The following MIGA1 variants were observed in gnomAD, a reference collection of about 807,000 sequenced individuals.
The protein encoded by MIGA1 is family with sequence similarity 73, member A.
Under a neutral mutation model 82.0 loss-of-function variants are expected in MIGA1, and 58 were observed. The ratio of observed to expected loss-of-function variants is 0.71; its 90% CI spans 0.57 to 0.88. The LOEUF is 0.88. Ranked by LOEUF, MIGA1 falls within the 40% of genes least tolerant of loss-of-function variation. The pLI, the probability that MIGA1 is intolerant of heterozygous loss-of-function variation, is 0.00. For missense variants in MIGA1, 751 were observed against 749.1 expected, an observed-to-expected ratio of 1.00 and a Z score of -0.03; for synonymous variants, 249 against 253.6, an observed-to-expected ratio of 0.98 and a Z score of 0.17.
chr1:77,822,730 T>A (rs1683866278), intron 7 of MIGA1, among the ~76,000 whole-genome samples: 1 of 152,040 alleles, frequency 6.6e-6, no homozygotes, highest in African/African-American at 2.4e-5. Flanking sequence ...AAAATTTAAA[T>A]AAGGATTCTA....
Position 77,875,038 on chromosome 1 carries a change from G to A in MIGA1, c.1873G>A (p.Gly625Arg). The change falls in exon 16 of 16, where the codon GGG becomes AGG. Residue 625 changes from glycine (G) to arginine (R), a missense_variant. Coordinates refer to ENST00000370791, the MANE Select transcript of MIGA1 (RefSeq NM_198549.4). ...CAGTCATGGTCATGTTATGTCCACT[G>A]GGCTACTGGAAGCCAAAGTACAATA... The A allele has an allele frequency of 6.2e-7, 1 of 1,613,934 alleles. No individual in the cohort carries two copies. The highest frequency in any genetic ancestry group is 8.5e-7 in the Non-Finnish European group (1 of 1,179,902).
intron 2 of MIGA1, among the ~76,000 whole-genome samples, chr1:77,795,301 A>G (rs962971489): frequency 1.3e-5 from 2 of 149,054 alleles, no homozygotes; most frequent in Non-Finnish European, 3.0e-5. Context: ...GTGATTTTCT[A>G]TTTCCTTCAT....
intron 11 of MIGA1, 199 bp downstream of exon 11, chr1:77,860,325 A>G: frequency 1.9e-6 from 1 of 522,440 alleles, no homozygotes; most frequent in African/African-American, 1.9e-5. Flanking sequence ...AATTATTTCC[A>G]GTTTGCCATA....
chr1:77,783,203 T>C, intron 1 of MIGA1, 35 bp from the exon 2 acceptor site: 1 of 1,411,908 alleles, frequency 7.1e-7, no homozygotes, highest in Non-Finnish European at 9.8e-7. Flanking sequence ...CAGAAATCTT[T>C]GTGGCTAATT....
At chr1:77,802,036 C>G (rs1030855033) in intron 3 of MIGA1, among the ~76,000 whole-genome samples, 6 of 151,922 alleles carry the variant, frequency 3.9e-5, no homozygotes, top group Non-Finnish European at 7.4e-5. Context: ...GTCTATTTTC[C>G]TTAGTATGTA....
intron 7 of MIGA1, among the ~76,000 whole-genome samples, chr1:77,819,745 G>A (rs998237828): frequency 2.6e-5 from 4 of 151,880 alleles, no homozygotes; most frequent in Non-Finnish European, 5.9e-5. Context: ...CACCATACCT[G>A]GCTAATTTTT....
In MIGA1 at chr1:77,863,939, A is replaced by G. The variant is rs1206538499; in HGVS notation, c.1420A>G (p.Met474Val). 1 of 1,594,720 alleles carries G rather than the reference A, an allele frequency of 6.3e-7. No individual in the cohort carries two copies. Among genetic ancestry groups the G allele is most frequent in the Non-Finnish European group, 8.5e-7 (1 of 1,170,246 alleles). Reference sequence around the variant, plus strand: ...TGATGTTGTTCTGGATTTTATATTAATGGACTCCTTTGAAGATTTGGAAAA... The same window carrying G: ...TGATGTTGTTCTGGATTTTATATTAGTGGACTCCTTTGAAGATTTGGAAAA... Residue 474 changes from methionine (M) to valine (V), a missense_variant, in exon 13 of 16, where the codon ATG (methionine) becomes GTG (valine). Around this residue, in one of 3 missense-constraint regions of MIGA1, gnomAD observed 265 missense variants for 293.6 expected, o/e 0.90. Coordinates refer to ENST00000370791, the MANE Select transcript of MIGA1 (RefSeq NM_198549.4).
intron 13 of MIGA1, 84 bp downstream of exon 13, chr1:77,864,112 G>A: frequency 6.9e-7 from 1 of 1,451,020 alleles, no homozygotes; most frequent in Non-Finnish European, 9.3e-7. Context: ...TGTAATCCCA[G>A]CACTTTGGGA....
At chr1:77,822,771 A>G (rs552104488) in intron 7 of MIGA1, among the ~76,000 whole-genome samples, 18 of 151,610 alleles carry the variant, frequency 1.2e-4, no homozygotes, top group Non-Finnish European at 2.7e-4. Flanking sequence ...TTTATAGAAG[A>G]GTAGTTTGCC....
At position 77,801,472 on chromosome 1, in the gene MIGA1, A is replaced by G. The variant is rs114177761; in HGVS notation, c.337A>G (p.Ile113Val). The G allele has an allele frequency of 4.4e-6, 7 of 1,603,928 alleles. No homozygotes were observed. The highest frequency in any genetic ancestry group is 5.9e-6 in the Non-Finnish European group (7 of 1,178,228). Residue 113 changes from isoleucine (I) to valine (V), a missense_variant, in exon 3 of 16, where the codon ATA becomes GTA. Ile to Val is a conservative substitution (Grantham distance 29, BLOSUM62 3). This residue lies in a region of MIGA1 where 482 missense variants were observed against 439.4 expected (regional missense o/e 1.10). Coordinates refer to ENST00000370791, the MANE Select transcript of MIGA1 (RefSeq NM_198549.4). ...ATTACCATGGGAACCAGAGCACCTCATACTTGAATACACTAAAAGAGCAGC... is the reference window on the plus strand; with the variant it reads ...ATTACCATGGGAACCAGAGCACCTCGTACTTGAATACACTAAAAGAGCAGC...
At chr1:77,870,235 C>A (rs1685900250) in intron 14 of MIGA1, among the ~76,000 whole-genome samples, 1 of 126,894 alleles carries the variant, frequency 7.9e-6, no homozygotes, top group East Asian at 2.8e-4. Flanking sequence ...CCCCCCCCAC[C>A]TCCCTCCCGG....
chr1:77,871,682 G>T (rs960533198), intron 14 of MIGA1, among the ~76,000 whole-genome samples: 2 of 152,052 alleles, frequency 1.3e-5, no homozygotes, highest in Non-Finnish European at 2.9e-5. Context: ...TATAAATATA[G>T]AGTTTCCTAA....
At chr1:77,788,698 C>T (rs1013908867) in intron 2 of MIGA1, among the ~76,000 whole-genome samples, 5 of 152,126 alleles carry the variant, frequency 3.3e-5, no homozygotes, top group African/African-American at 7.2e-5. Context: ...TGAAAAAACT[C>T]TCCATTTCCG....
chr1:77,788,973 A>G (rs1371509537), intron 2 of MIGA1, among the ~76,000 whole-genome samples: 2 of 152,192 alleles, frequency 1.3e-5, no homozygotes, highest in Non-Finnish European at 2.9e-5. Flanking sequence ...TAGAGACTGC[A>G]TTGAATCTGT....
intron 7 of MIGA1, among the ~76,000 whole-genome samples, chr1:77,833,338 T>C (rs1485593516): frequency 6.6e-6 from 1 of 152,202 alleles, no homozygotes; most frequent in African/African-American, 2.4e-5. Flanking sequence ...TGTGTAAGGC[T>C]CATAATCTTA....
intron 13 of MIGA1, 84 bp downstream of exon 13, chr1:77,864,112 G>C (rs1685571362): frequency 6.9e-7 from 1 of 1,451,020 alleles, no homozygotes; most frequent in African/African-American, 1.5e-5. Context: ...TGTAATCCCA[G>C]CACTTTGGGA....
At chr1:77,863,565 C>A (rs1158137741) in intron 12 of MIGA1, among the ~76,000 whole-genome samples, 1 of 152,122 alleles carries the variant, frequency 6.6e-6, no homozygotes, top group Non-Finnish European at 1.5e-5. Flanking sequence ...TGTTCATGAT[C>A]TGGTGGGGAA....
intron 7 of MIGA1, among the ~76,000 whole-genome samples, chr1:77,815,661 A>G (rs1466579840): frequency 6.6e-6 from 1 of 152,250 alleles, no homozygotes; most frequent in South Asian, 2.1e-4. Flanking sequence ...CAGTACATAC[A>G]TCGTTATGGG....
At chr1:77,789,616 A>G (rs139462551) in intron 2 of MIGA1, among the ~76,000 whole-genome samples, 1 of 152,072 alleles carries the variant, frequency 6.6e-6, no homozygotes, top group Admixed American at 6.6e-5. Flanking sequence ...TTTTGATCTT[A>G]TGGATTTAAT....
Sources: allele counts gnomAD v4.1 joint callset (sites outside exome capture counted in the v4.1 genomes callset), GRCh38; gene constraint gnomAD v4.1.1; regional missense constraint gnomAD v4.1.1; transcripts MANE v1.5; gene names NCBI Gene and HGNC (gene_info 2026-07-23, HGNC 2026-07-21).